The following UBXN2A variants were observed in gnomAD, a reference collection of about 807,000 sequenced individuals.
UBXN2A encodes the protein UBX domain protein 2A.
Under a neutral mutation model 28.4 loss-of-function variants are expected in UBXN2A, and 28 were observed. That is an observed-to-expected ratio of 0.99 (90% CI 0.73 to 1.35). The LOEUF is 1.35. UBXN2A is among the 40% of genes most tolerant of loss of function. The pLI, the probability that UBXN2A is intolerant of heterozygous loss-of-function variation, is 0.00. For synonymous variants in UBXN2A, 97 were observed against 103.6 expected, an observed-to-expected ratio of 0.94 and a Z score of 0.39; for missense variants, 253 against 297.9, an observed-to-expected ratio of 0.85 and a Z score of 1.11.
chr2:23,998,207 A>G (rs914077095), intron 6 of UBXN2A, among the ~76,000 whole-genome samples: 5 of 152,180 alleles, frequency 3.3e-5, no homozygotes, highest in African/African-American at 7.2e-5. Flanking sequence ...TTTGGTTGTC[A>G]TCATCATTGA....
intron 2 of UBXN2A, among the ~76,000 whole-genome samples, chr2:23,961,232 A>G (rs1218916099): frequency 1.3e-5 from 2 of 151,608 alleles, no homozygotes; most frequent in Non-Finnish European, 2.9e-5. Context: ...AGTAGCTGGG[A>G]CTACAGGTGT....
chr2:23,946,801 C>G (rs932252804), intron 1 of UBXN2A, among the ~76,000 whole-genome samples: 1 of 151,836 alleles, frequency 6.6e-6, no homozygotes, highest in Admixed American at 6.6e-5. Context: ...TTCTTATACA[C>G]TTATTTTAAA....
At chr2:23,935,388 C>T (rs1705493405) in intron 1 of UBXN2A, among the ~76,000 whole-genome samples, 1 of 149,184 alleles carries the variant, frequency 6.7e-6, no homozygotes, top group Non-Finnish European at 1.5e-5. Context: ...TGTAACTCAA[C>T]AACAACAACA....
At chr2:23,936,506 T>A (rs1232543085), upstream of UBXN2A, among the ~76,000 whole-genome samples, 3 of 150,138 alleles carry the variant, frequency 2.0e-5, no homozygotes, top group African/African-American at 2.5e-5. Flanking sequence ...AGTCCAGGAG[T>A]TTGAGACTAG....
rs1352014162 is a variant in UBXN2A at position 23,949,894 on chromosome 2, G to T, written c.-14-8407G>T. On this transcript the variant is annotated intron_variant, in intron 1 of 6. Coordinates refer to ENST00000309033, the MANE Select transcript of UBXN2A (RefSeq NM_181713.4). The stretch of plus-strand genomic sequence containing the variant: ...TGTCTCAAAAAAAAAAAAATTATTT[G>T]TATAAATGTGTGGGGTACAAGTATA... 2.8e-4 allele frequency among the ~76,000 whole-genome samples: 42 copies of T among 150,580 alleles called. No individual in the cohort carries two copies. The Admixed American group carries it at 2.8e-3, about 10-fold the overall frequency.
In UBXN2A at chr2:23,999,805, A is replaced by G. The variant is rs750283614; in HGVS notation, c.718A>G (p.Asn240Asp). 13 of 1,614,190 alleles carry G rather than the reference A, an allele frequency of 8.1e-6. No individual in the cohort carries two copies. Among genetic ancestry groups the G allele is most frequent in the Non-Finnish European group, 1.1e-5 (13 of 1,180,028 alleles). The change falls in exon 7 of 7, where the codon AAT (asparagine) becomes GAT (aspartate). Residue 240 changes from asparagine (N) to aspartate (D), a missense_variant. Transcript: ENST00000309033. The stretch of plus-strand genomic sequence containing the variant: ...CACACTGGAAGAAGCAGATTTACAG[A>G]ATGCTGTCATCATTCAGAGACTCCA... Reference protein sequence around the residue: ...TLTLEEADLQNAVIIQRLQKT... With the variant: ...TLTLEEADLQDAVIIQRLQKT...
chr2:23,929,610 G>T (rs1460099096), intron 1 of UBXN2A, among the ~76,000 whole-genome samples: 1 of 151,864 alleles, frequency 6.6e-6, no homozygotes, highest in African/African-American at 2.4e-5. Flanking sequence ...CTATTTGGGA[G>T]GCTGAGGCAG....
chr2:23,987,892 G>A lies in UBXN2A; in HGVS notation c.584+3061G>A, dbSNP rs552669630. Among the ~76,000 whole-genome samples, 438 of 151,984 alleles carry A rather than the reference G, an allele frequency of 2.9e-3. 2 individuals are homozygous for A. In the Middle Eastern group the frequency reaches 0.037, roughly 13 times the overall value. ...TAATCCCAGCATTTTAGGAGACCGA[G>A]GCAGGCAGATCACAAGGTCAGGAGT... On this transcript the variant is annotated intron_variant, in intron 6 of 6. Coordinates refer to ENST00000309033, the MANE Select transcript of UBXN2A (RefSeq NM_181713.4).
At chr2:23,931,767 C>T (rs1307133046) in intron 1 of UBXN2A, among the ~76,000 whole-genome samples, 1 of 152,170 alleles carries the variant, frequency 6.6e-6, no homozygotes, top group African/African-American at 2.4e-5. Context: ...AATCCCAGAA[C>T]TTTGGGAGGC....
chr2:23,985,654 G>C (rs556215493), intron 6 of UBXN2A, among the ~76,000 whole-genome samples: 1 of 150,264 alleles, frequency 6.7e-6, no homozygotes, highest in South Asian at 2.1e-4. Context: ...GGCTGGAGTA[G>C]AGTGGCGCGA....
upstream of UBXN2A, among the ~76,000 whole-genome samples, chr2:23,938,089 C>T (rs1032733293): frequency 6.6e-6 from 1 of 151,942 alleles, no homozygotes; most frequent in African/African-American, 2.4e-5. Flanking sequence ...ATGTGGCGCA[C>T]GACTATAAAT....
chr2:23,965,199 C>G (rs943838371), intron 2 of UBXN2A, among the ~76,000 whole-genome samples: 16 of 152,194 alleles, frequency 1.1e-4, no homozygotes, highest in Non-Finnish European at 1.8e-4. Flanking sequence ...AACCTGTATA[C>G]ATTTTACTTC....
intron 2 of UBXN2A, among the ~76,000 whole-genome samples, chr2:23,963,996 G>A (rs1387318774): frequency 6.6e-6 from 1 of 152,040 alleles, no homozygotes; most frequent in Non-Finnish European, 1.5e-5. Context: ...AGCCAGCTTG[G>A]TGACACATAC....
intron 2 of UBXN2A, among the ~76,000 whole-genome samples, chr2:23,970,066 C>T (rs1186480221): frequency 1.3e-5 from 2 of 152,082 alleles, no homozygotes; most frequent in African/African-American, 4.8e-5. Context: ...CCAAGACAGG[C>T]ACATCACTGG....
At chr2:23,977,469 C>T (rs1383705082) in intron 4 of UBXN2A, 1 of 158,310 alleles carries the variant, frequency 6.3e-6, no homozygotes, top group Non-Finnish European at 1.4e-5. Flanking sequence ...ATGGAGAAAC[C>T]CCATCTCTAC....
intron 4 of UBXN2A, 99 bp from the exon 5 acceptor site, chr2:23,982,797 T>C: frequency 8.1e-7 from 1 of 1,239,440 alleles, no homozygotes; most frequent in South Asian, 1.8e-5. Context: ...TATATATTTC[T>C]GTATATTTCT....
upstream of UBXN2A, among the ~76,000 whole-genome samples, chr2:23,937,860 C>G (rs1235253238): frequency 6.6e-6 from 1 of 152,074 alleles, no homozygotes; most frequent in East Asian, 1.9e-4. Context: ...CTTACACAAA[C>G]CTGGATGGTA....
intron 6 of UBXN2A, among the ~76,000 whole-genome samples, chr2:23,993,935 C>G (rs149997259): frequency 1.0e-3 from 153 of 152,204 alleles, no homozygotes; most frequent in Non-Finnish European, 1.8e-3. Context: ...TGGTCCGCCT[C>G]GGCTTCCCAA....
At chr2:23,969,939 T>C (rs758745313) in intron 2 of UBXN2A, among the ~76,000 whole-genome samples, 4 of 152,172 alleles carry the variant, frequency 2.6e-5, no homozygotes, top group Non-Finnish European at 4.4e-5. Flanking sequence ...AAAAGTGTTT[T>C]CTGTTACCAA....
Sources: allele counts gnomAD v4.1 joint callset (sites outside exome capture counted in the v4.1 genomes callset), GRCh38; gene constraint gnomAD v4.1.1; transcripts MANE v1.5; gene names NCBI Gene and HGNC (gene_info 2026-07-23, HGNC 2026-07-21).